The following MCF2L variants were observed in gnomAD, a reference collection of about 807,000 sequenced individuals.
MCF2L encodes MCF.2 cell line derived transforming sequence like.
A neutral mutation model predicts 153.4 loss-of-function variants in MCF2L; 97 were observed. The observed-to-expected ratio is 0.63, with a 90% CI of 0.54 to 0.75. MCF2L has a LOEUF of 0.75. Among genes scored for constraint, MCF2L ranks in the 30% least tolerant of loss-of-function variants. MCF2L has a pLI of 0.00. For synonymous variants in MCF2L, 659 were observed against 632.2 expected, an observed-to-expected ratio of 1.04 and a Z score of -0.64; for missense variants, 1,347 against 1,495.2, an observed-to-expected ratio of 0.90 and a Z score of 1.64.
intron 27 of MCF2L, chr13:113,095,314 G>A: frequency 8.5e-7 from 1 of 1,175,428 alleles, no homozygotes. Context: ...GGGCAGAGAA[G>A]CCAGGCGTGG....
intron 1 of MCF2L, among the ~76,000 whole-genome samples, chr13:113,004,129 TC>T (rs1384018252): frequency 2.0e-5 from 3 of 151,934 alleles, no homozygotes; most frequent in Non-Finnish European, 4.4e-5. Context: ...AGGCCACGCC[TC>T]CCCCCGGCCC....
At chr13:112,990,574 C>G (rs2082859344) in intron 1 of MCF2L, among the ~76,000 whole-genome samples, 1 of 152,238 alleles carries the variant, frequency 6.6e-6, no homozygotes, top group East Asian at 1.9e-4. Flanking sequence ...CCTTTGCTTT[C>G]CATGATTGCC....
intron 1 of MCF2L, among the ~76,000 whole-genome samples, chr13:113,012,080 T>C: frequency 9.0e-6 from 1 of 110,838 alleles, no homozygotes. Context: ...ACAGGTGGTG[T>C]GGACAGTGGA....
At chr13:113,001,749 C>T (rs2083387864) in intron 1 of MCF2L, 8 of 1,362,478 alleles carry the variant, frequency 5.9e-6, no homozygotes, top group Admixed American at 3.6e-5. Context: ...GAGGAGCAGC[C>T]GGCTGGCTGC....
Position 113,096,903 on chromosome 13 carries a change from G to A in MCF2L, c.*44G>A. 1 of 1,278,412 alleles carries A rather than the reference G, an allele frequency of 7.8e-7. No homozygotes were observed. Among genetic ancestry groups the A allele is most frequent in the Admixed American group, 4.1e-5 (1 of 24,528 alleles). 79.2% of individuals were successfully genotyped at this position (1,278,412 alleles called of 1,614,324 possible). On this transcript the variant is annotated 3_prime_UTR_variant, in exon 30 of 30. Transcript: ENST00000535094. ...GACCCGCGCGCTGTCTGGGGCTGCG[G>A]TGGCGTGGGGAGGGCGCGGCCCCCG...
In MCF2L at chr13:113,013,872, G is replaced by A. The variant is rs558952881; in HGVS notation, c.80-891G>A. Among the ~76,000 whole-genome samples, 360 of 152,358 alleles carry A rather than the reference G, an allele frequency of 2.4e-3. 3 individuals are homozygous for A. Among genetic ancestry groups the A allele is most frequent in the African/African-American group, 7.8e-3 (323 of 41,590 alleles). On this transcript the variant is annotated intron_variant, in intron 1 of 29. Coordinates refer to ENST00000535094, the MANE Select transcript of MCF2L (RefSeq NM_001112732.3). ...GCAGAGACCACCAGCCTGTCAGTCC[G>A]TACAGCTTTCCCTGGAGGGTCTTGC...
intron 2 of MCF2L, among the ~76,000 whole-genome samples, chr13:113,015,473 AGGAGGGTGCCCCGATGCTG>A: frequency 6.6e-6 from 1 of 152,108 alleles, no homozygotes; most frequent in Non-Finnish European, 1.5e-5. Flanking sequence ...CCCGATGCCG[AGGAGGGTGCCCCGATGCTG>A]AGGAGGGTGC....
intron 2 of MCF2L, among the ~76,000 whole-genome samples, chr13:112,925,545 G>T (rs1419254858): frequency 6.6e-6 from 1 of 152,184 alleles, no homozygotes; most frequent in Non-Finnish European, 1.5e-5. Context: ...TACACGAGAA[G>T]AAATAAACCA....
rs139381606 is a variant in MCF2L, at chr13:113,035,060, G to T, written c.279-10211G>T. On this transcript the variant is annotated intron_variant, in intron 3 of 29. Transcript: ENST00000535094. This position sits in a 1 kb window ranked among gnomAD's most constrained non-coding sequence, Gnocchi z 4.4. The stretch of plus-strand genomic sequence containing the variant: ...CCCCGTGAAGCCCCTCGGGAGGAAG[G>T]GTTCCTGTCCACGTTCAGCACCCCC... Among the ~76,000 whole-genome samples, 2 of 152,168 alleles carry T rather than the reference G, an allele frequency of 1.3e-5. No homozygotes were observed. Among genetic ancestry groups the T allele is most frequent in the Non-Finnish European group, 2.9e-5 (2 of 68,020 alleles).
chr13:112,994,237 A>G (rs9549626), intron 1 of MCF2L, among the ~76,000 whole-genome samples: 81,891 of 148,292 alleles, frequency 0.55, 22,860 homozygotes, highest in Non-Finnish European at 0.61. Context: ...CCAAGCTGAC[A>G]TCACTATGCA....
At chr13:112,915,842 T>C (rs897013663) in intron 2 of MCF2L, among the ~76,000 whole-genome samples, 1 of 152,272 alleles carries the variant, frequency 6.6e-6, no homozygotes, top group South Asian at 2.1e-4. Context: ...TTCAATATTA[T>C]ACTGGCCTTC....
At chr13:112,972,494 TGATG>T (rs1411067311) in intron 1 of MCF2L, among the ~76,000 whole-genome samples, 2 of 136,064 alleles carry the variant, frequency 1.5e-5, no homozygotes, top group Non-Finnish European at 3.2e-5. Flanking sequence ...GGATGGATGA[TGATG>T]GATGGATGGA....
intron 2 of MCF2L, among the ~76,000 whole-genome samples, chr13:112,940,472 C>T (rs2081564348): frequency 6.6e-6 from 1 of 152,198 alleles, no homozygotes; most frequent in South Asian, 2.1e-4. Flanking sequence ...CGGGGAAGGC[C>T]CTGAGGCGCT....
intron 8 of MCF2L, among the ~76,000 whole-genome samples, chr13:113,067,069 G>A (rs1224388343): frequency 6.6e-6 from 1 of 152,252 alleles, no homozygotes; most frequent in Admixed American, 6.5e-5. Flanking sequence ...GGTGGGCCCT[G>A]CCCTGGCCTG....
rs2081964428 is a variant in MCF2L at position 112,969,337 on chromosome 13, G to A, written c.-43G>A. Reference sequence around the variant, plus strand: ...CCCCACCCGCAGGCGCCCCCCGTGCGGAGGAAGCGGATCTGCCAGGATCAT... The same window carrying A: ...CCCCACCCGCAGGCGCCCCCCGTGCAGAGGAAGCGGATCTGCCAGGATCAT... On this transcript the variant is annotated 5_prime_UTR_variant, in exon 1 of 30. Coordinates refer to ENST00000535094, the MANE Select transcript of MCF2L (RefSeq NM_001112732.3). The surrounding 1 kb of genome is among the most constrained non-coding windows in gnomAD (Gnocchi z 4.8). 6.5e-7 allele frequency: 1 copy of A among 1,547,734 alleles called. No individual in the cohort carries two copies.
intron 1 of MCF2L, among the ~76,000 whole-genome samples, chr13:113,003,020 A>T (rs1298688294): frequency 6.6e-6 from 1 of 152,022 alleles, no homozygotes; most frequent in Non-Finnish European, 1.5e-5. Flanking sequence ...AAAAAAAAAA[A>T]AATTAATAGG....
At chr13:113,075,274 T>A (rs2033350554) in intron 11 of MCF2L, 85 bp downstream of exon 11, 2 of 1,292,262 alleles carry the variant, frequency 1.5e-6, no homozygotes, top group East Asian at 5.1e-5. Context: ...CTGACCCTTG[T>A]CGTGGGGAGG....
At chr13:112,984,546 C>T (rs957271959) in intron 1 of MCF2L, among the ~76,000 whole-genome samples, 2 of 152,138 alleles carry the variant, frequency 1.3e-5, no homozygotes, top group African/African-American at 4.8e-5. Flanking sequence ...CCTAGAAATT[C>T]TCTTCATAAA....
In MCF2L at chr13:113,012,920, G is replaced by A. The variant is rs1594650576; in HGVS notation, c.80-1843G>A. Among the ~76,000 whole-genome samples, 3 of 125,402 alleles carry A rather than the reference G, an allele frequency of 2.4e-5. No homozygotes were observed. The South Asian group carries it at 1.1e-3, about 44-fold the overall frequency. 82.3% of individuals were successfully genotyped at this position (125,402 alleles called of 152,430 possible). A position where few individuals can be genotyped will look rare whatever the true frequency, so the allele number is the denominator to read the frequency against. The stretch of plus-strand genomic sequence containing the variant: ...GTGTGGACGGTGGACACTGTGATGC[G>A]GACGGTGGACAGGCGGTGTGGACGG... On this transcript the variant is annotated intron_variant, in intron 1 of 29. Transcript: ENST00000535094.
Sources: gnomAD v4.1 joint callset for allele counts (sites outside exome capture counted in the v4.1 genomes callset) on GRCh38, gnomAD v4.1.1 for gene constraint, Gnocchi (gnomAD v3.1) non-coding constraint, MANE v1.5 for transcripts, NCBI Gene and HGNC (gene_info 2026-07-23, HGNC 2026-07-21) for gene names.